Variants in EIF4G3 observed in about 807,000 individuals in gnomAD.
EIF4G3 encodes eukaryotic translation initiation factor 4 gamma 3.
EIF4G3 carries 34 observed loss-of-function variants against 186.4 expected under a neutral mutation model. That is an observed-to-expected ratio of 0.18 (90% CI 0.14 to 0.24). The LOEUF (loss-of-function observed/expected upper bound fraction) is 0.24. EIF4G3 is among the 10% of genes least tolerant of loss of function. The pLI, the probability that EIF4G3 is intolerant of heterozygous loss-of-function variation, is 1.00. For synonymous variants in EIF4G3, 673 were observed against 679.5 expected, an observed-to-expected ratio of 0.99 and a Z score of 0.15; for missense variants, 1,536 against 1,948.5, an observed-to-expected ratio of 0.79 and a Z score of 3.99.
chr1:20,862,038 G>T (rs1464181871), intron 23 of EIF4G3, among the ~76,000 whole-genome samples, 190 bp downstream of exon 23: 1 of 151,886 alleles, frequency 6.6e-6, no homozygotes. Flanking sequence ...AGGAGAAGAA[G>T]CACGTAACTG....
At chr1:20,872,811 C>T (rs986422282) in intron 20 of EIF4G3, among the ~76,000 whole-genome samples, 4 of 151,294 alleles carry the variant, frequency 2.6e-5, no homozygotes, top group Admixed American at 2.0e-4. Flanking sequence ...CTCAACCTCC[C>T]TGCCTCAAGC....
chr1:21,063,362 A>G (rs2095033551), intron 3 of EIF4G3, among the ~76,000 whole-genome samples: 1 of 152,218 alleles, frequency 6.6e-6, no homozygotes, highest in African/African-American at 2.4e-5. Flanking sequence ...TTTTGAAAAG[A>G]ATATTGATTC....
At chr1:20,820,295 T>C (rs1391961667) in intron 33 of EIF4G3, among the ~76,000 whole-genome samples, 2 of 152,206 alleles carry the variant, frequency 1.3e-5, no homozygotes, top group Non-Finnish European at 2.9e-5. Flanking sequence ...GCCCTGCCTC[T>C]TCTGAGTTGG....
At chr1:21,078,700 C>T (rs527709532) in intron 3 of EIF4G3, among the ~76,000 whole-genome samples, 40 of 152,264 alleles carry the variant, frequency 2.6e-4, no homozygotes, top group African/African-American at 8.2e-4. Context: ...AAATAACACA[C>T]GTGGCTGGGC....
chr1:21,064,184 T>C (rs1032316637), intron 3 of EIF4G3, among the ~76,000 whole-genome samples: 1 of 152,078 alleles, frequency 6.6e-6, no homozygotes, highest in Non-Finnish European at 1.5e-5. Context: ...GCGAGGTTCA[T>C]GCTATCCTTT....
chr1:20,874,143 A>AT (rs1214849826), intron 20 of EIF4G3, among the ~76,000 whole-genome samples: 11 of 152,194 alleles, frequency 7.2e-5, no homozygotes, highest in African/African-American at 2.4e-4. Flanking sequence ...TAGTGCTGCA[A>AT]TAAACACACG....
In EIF4G3 at chr1:20,853,637, A is replaced by C. The variant is rs1436217492; in HGVS notation, c.3474T>G (p.Ser1158=). 4 of 1,613,902 alleles carry C rather than the reference A, an allele frequency of 2.5e-6. No individual in the cohort carries two copies. The highest frequency in any genetic ancestry group is 3.4e-6 in the Non-Finnish European group (4 of 1,179,936). Reference sequence around the variant, plus strand: ...CTGAGGGTGCTGGAGGTTGCAGGGCAGAGAATCTGTTTAAACTGGAAGCAC... The same window carrying C: ...CTGAGGGTGCTGGAGGTTGCAGGGCCGAGAATCTGTTTAAACTGGAAGCAC... The part of the protein sequence containing the change: ...RSSASSLNRF[S]ALQPPAPSGS... Residue 1158 remains serine, a synonymous_variant, in exon 27 of 37, where the codon TCT becomes TCG. Transcript: ENST00000602326.
At chr1:21,127,814 T>C (rs748519557) in intron 2 of EIF4G3, among the ~76,000 whole-genome samples, 4 of 152,192 alleles carry the variant, frequency 2.6e-5, no homozygotes, top group Admixed American at 6.5e-5. Context: ...ATGTTAAAGA[T>C]AGATGTCTTA....
At chr1:20,962,107 C>T (rs1369529773) in intron 12 of EIF4G3, among the ~76,000 whole-genome samples, 1 of 152,062 alleles carries the variant, frequency 6.6e-6, no homozygotes, top group Non-Finnish European at 1.5e-5. Flanking sequence ...AAGCTATAGA[C>T]CCAATTCTAG....
At chr1:20,892,786 G>C (rs2086545115) in intron 18 of EIF4G3, 4 of 1,222,362 alleles carry the variant, frequency 3.3e-6, no homozygotes, top group Middle Eastern at 1.9e-4. Context: ...GAGATCTCCA[G>C]TATTTTAGGA....
intron 19 of EIF4G3, among the ~76,000 whole-genome samples, chr1:20,883,090 A>C (rs949198219): frequency 1.3e-5 from 2 of 152,142 alleles, no homozygotes; most frequent in Non-Finnish European, 2.9e-5. Flanking sequence ...TCAAAAAAAA[A>C]AAAAACATTT....
chr1:20,892,971 G>A, intron 18 of EIF4G3: 2 of 463,494 alleles, frequency 4.3e-6, no homozygotes, highest in South Asian at 2.8e-5. Flanking sequence ...GCAGTGGCAT[G>A]ATCATGGCTC....
chr1:20,966,749 C>T (rs560710346), intron 12 of EIF4G3, among the ~76,000 whole-genome samples: 1 of 152,228 alleles, frequency 6.6e-6, no homozygotes, highest in South Asian at 2.1e-4. Flanking sequence ...GCTAGGATTA[C>T]AGGTGTGAGC....
chr1:20,869,658 C>T (rs2078594696), intron 20 of EIF4G3, among the ~76,000 whole-genome samples: 1 of 151,384 alleles, frequency 6.6e-6, no homozygotes, highest in Non-Finnish European at 1.5e-5. Flanking sequence ...GCCTGTAGTC[C>T]CAGCTATTCG....
chr1:20,944,452 C>T (rs1426289145), intron 13 of EIF4G3, among the ~76,000 whole-genome samples: 1 of 148,304 alleles, frequency 6.7e-6, no homozygotes, highest in African/African-American at 2.5e-5. Context: ...GAGGTCGAGG[C>T]TGCAGCAAGC....
At chr1:20,826,797 GT>G (rs908195280) in intron 32 of EIF4G3, among the ~76,000 whole-genome samples, 4 of 152,094 alleles carry the variant, frequency 2.6e-5, no homozygotes, top group African/African-American at 9.7e-5. Flanking sequence ...CAGAATGTGA[GT>G]TTTAAATAAG....
At chr1:20,864,783 T>C (rs1161467778) in intron 21 of EIF4G3, 71 bp from the exon 22 acceptor site, 21 of 1,271,304 alleles carry the variant, frequency 1.7e-5, no homozygotes, top group Middle Eastern at 1.9e-4. Context: ...CTGAGATTCA[T>C]GGGGTCAGAA....
chr1:21,058,858 C>A (rs1363267965), intron 3 of EIF4G3, among the ~76,000 whole-genome samples: 2 of 150,978 alleles, frequency 1.3e-5, no homozygotes, highest in African/African-American at 2.4e-5. Context: ...TATGAGCCAC[C>A]ACACCTGGCC....
intron 30 of EIF4G3, among the ~76,000 whole-genome samples, chr1:20,838,265 C>G (rs2067354155): frequency 6.6e-6 from 1 of 152,062 alleles, no homozygotes; most frequent in Admixed American, 6.6e-5. Flanking sequence ...TGCTTCTGGG[C>G]ATCTTTATAG....
Sources: gnomAD v4.1 joint callset for allele counts (sites outside exome capture counted in the v4.1 genomes callset) on GRCh38, gnomAD v4.1.1 for gene constraint, MANE v1.5 for transcripts, NCBI Gene and HGNC (gene_info 2026-07-23, HGNC 2026-07-21) for gene names.